TMEM265: variants seen among roughly 807,000 people sequenced by gnomAD.
TMEM265 encodes transmembrane protein 265.
Under a neutral mutation model 9.5 loss-of-function variants are expected in TMEM265, and 8 were observed. The ratio of observed to expected loss-of-function variants is 0.84; its 90% CI spans 0.49 to 1.52. The LOEUF (loss-of-function observed/expected upper bound fraction) is 1.52, where lower values mean the gene tolerates loss of function less well. Among genes scored for constraint, TMEM265 ranks in the 40% most tolerant of loss-of-function variants. The probability of loss-of-function intolerance (pLI) is 0.00; values close to 1 mark genes in which losing one functional copy is unlikely to be tolerated. For missense variants in TMEM265, 152 were observed against 146.2 expected (o/e 1.04, Z -0.21); for synonymous variants, 53 against 56.9 (o/e 0.93, Z 0.31).
rs11300181 is a variant in TMEM265, at chr16:30,742,924, CAA to C, written c.166-844_166-843del. On this transcript the variant is annotated intron_variant, in intron 2 of 2. Coordinates refer to ENST00000615541, the MANE Select transcript of TMEM265 (RefSeq NM_001256829.2). ...CTGGTGACAAAGCAAGACTCTGTCT[CAA>C]AAAAAAAAAAAAACAAAAAAAAACA... Among the ~76,000 whole-genome samples the C allele has an allele frequency of 2.5e-3, 282 of 114,690 alleles. 3 individuals carry two copies. The East Asian group carries it at 0.047, about 19-fold the overall frequency. 75.2% of individuals were successfully genotyped at this position (114,690 alleles called of 152,430 possible).
Position 30,743,827 on chromosome 16 carries a change from TG to T in TMEM265, c.217del (p.Ala73ProfsTer58), listed in dbSNP as rs756230662. ...AGGCCGGTCCGAGGAGGCAGTGCGC[TG>T]GGGGGCCCGGGCCCGGAAACTCATC... ...KAGRSEEAVR[W>X]GARARKLILA... On this transcript the variant is annotated frameshift_variant, in exon 3 of 3. Transcript: ENST00000615541. LOFTEE classifies it high-confidence loss of function. 1.6e-5 allele frequency: 24 copies of T among 1,533,586 alleles called. No homozygotes were observed. Among genetic ancestry groups the T allele is most frequent in the South Asian group, 2.4e-5 (2 of 83,958 alleles). The allele number at this position is 1,533,586 out of a possible 1,614,324, so 95.0% of individuals were successfully genotyped here.
At chr16:30,741,976 C>G in intron 2 of TMEM265, 68 bp downstream of exon 2, 1 of 1,436,188 alleles carries the variant, frequency 7.0e-7, no homozygotes, top group Non-Finnish European at 9.3e-7. Context: ...TCTGATCTAT[C>G]TACATTGACC....
At chr16:30,741,670 G>A in intron 1 of TMEM265, 71 bp from the exon 2 acceptor site, 1 of 1,438,956 alleles carries the variant, frequency 6.9e-7, no homozygotes, top group Non-Finnish European at 9.2e-7. Flanking sequence ...CTCTGAGAGG[G>A]GTGGAGTCTG....
intron 2 of TMEM265, among the ~76,000 whole-genome samples, chr16:30,743,387 GA>G (rs377025787): frequency 2.7e-5 from 4 of 147,076 alleles, no homozygotes; most frequent in South Asian, 2.2e-4. Flanking sequence ...CTCAAAAAAA[GA>G]AAAAAAAAAG....
rs1435273449 is a variant in TMEM265, at chr16:30,744,160, C to T, written c.*217C>T. On this transcript the variant is annotated 3_prime_UTR_variant, in exon 3 of 3. Transcript: ENST00000615541. ...CAGCCTGCTCTGTTCTTTCAGGGCC[C>T]CCCACCCCCATCTCCCCTACCCTAG... is the stretch of plus-strand genomic sequence containing the variant. 3 of 490,944 alleles carry T rather than the reference C, an allele frequency of 6.1e-6. No homozygotes were observed. Among genetic ancestry groups the T allele is most frequent in the Admixed American group, 3.7e-5 (1 of 26,758 alleles). 30.4% of individuals were successfully genotyped at this position (490,944 alleles called of 1,614,324 possible).
At chr16:30,743,752 G>A in intron 2 of TMEM265, 30 bp from the exon 3 acceptor site, 1 of 1,499,150 alleles carries the variant, frequency 6.7e-7, no homozygotes, top group South Asian at 1.3e-5. Flanking sequence ...GAAGCAGGGG[G>A]AGAACCTAAC....
chr16:30,742,940 CA>C (rs79292764), intron 2 of TMEM265, among the ~76,000 whole-genome samples: 1,980 of 124,236 alleles, frequency 0.016, 52 homozygotes, highest in African/African-American at 0.054. Context: ...AAAAAAAAAA[CA>C]AAAAAAAACA....
chr16:30,744,258 T>A lies in TMEM265; in HGVS notation c.*315T>A. 1 of 237,846 alleles carries A rather than the reference T, an allele frequency of 4.2e-6. No homozygotes were observed. The highest frequency in any genetic ancestry group is 8.0e-6 in the Non-Finnish European group (1 of 124,716). The allele number at this position is 237,846 out of a possible 1,614,324, so 14.7% of individuals were successfully genotyped here. ...GGTTTTATTAGAATTCATTTTGTAA[T>A]AAAAGCCTTTTTTAGTGGTGAAATA... On this transcript the variant is annotated 3_prime_UTR_variant, in exon 3 of 3. Transcript: ENST00000615541.
Position 30,743,973 on chromosome 16 carries a change from G to A in TMEM265, c.*30G>A, listed in dbSNP as rs1343726008. ...GGATGGCCTCTGCTGAGAGCCAGCC[G>A]AGACCTCCTGGATCCTGCAATGCGG... is the stretch of plus-strand genomic sequence containing the variant. On this transcript the variant is annotated 3_prime_UTR_variant, in exon 3 of 3. Transcript: ENST00000615541. 67 of 1,525,400 alleles carry A rather than the reference G, an allele frequency of 4.4e-5. No individual in the cohort carries two copies. The highest frequency in any genetic ancestry group is 5.0e-5 in the Non-Finnish European group (57 of 1,141,614). 94.5% of individuals were successfully genotyped at this position (1,525,400 alleles called of 1,614,324 possible). A position where few individuals can be genotyped will look rare whatever the true frequency, so the allele number is the denominator to read the frequency against.
chr16:30,742,020 G>C (rs1596672695), intron 2 of TMEM265, 112 bp downstream of exon 2: 1 of 1,147,072 alleles, frequency 8.7e-7, no homozygotes, highest in East Asian at 2.6e-5. Context: ...TCTGGGCCTA[G>C]TGCCAGAAAT....
intron 2 of TMEM265, among the ~76,000 whole-genome samples, chr16:30,742,934 A>C (rs984401054): frequency 2.0e-5 from 3 of 148,006 alleles, no homozygotes; most frequent in Admixed American, 1.3e-4. Flanking sequence ...CAAAAAAAAA[A>C]AAAAACAAAA....
In TMEM265 at chr16:30,741,871, C is replaced by T. The variant is rs1225077484; in HGVS notation, c.128C>T (p.Ser43Phe). Reference sequence around the variant, plus strand: ...GCTACTAGCATTATCTGTGGCTGCTCTTGCCTGGGAGTCATGGCTCTGGTG... The same window carrying T: ...GCTACTAGCATTATCTGTGGCTGCTTTTGCCTGGGAGTCATGGCTCTGGTG... The part of the protein sequence containing the change: ...LAATSIICGC[S>F]CLGVMALVFA... Residue 43 changes from serine to phenylalanine, a missense_variant, in exon 2 of 3, where the codon TCT becomes TTT. Physicochemically the swap from Ser to Phe is radical, Grantham distance 155. Coordinates refer to ENST00000615541, the MANE Select transcript of TMEM265 (RefSeq NM_001256829.2). 5 of 1,533,924 alleles carry T rather than the reference C, an allele frequency of 3.3e-6. No homozygotes were observed. The highest frequency in any genetic ancestry group is 3.5e-6 in the Non-Finnish European group (4 of 1,146,722).
At chr16:30,741,395 A>G (rs1225771861) in intron 1 of TMEM265, 2 of 197,714 alleles carry the variant, frequency 1.0e-5, no homozygotes, top group Non-Finnish European at 2.1e-5. Context: ...AGATTAAAAT[A>G]ACAGATTCAT....
chr16:30,743,870 T>C lies in TMEM265; in HGVS notation c.254T>C (p.Val85Ala). 6.5e-7 allele frequency: 1 copy of C among 1,533,958 alleles called. No homozygotes were observed. The highest frequency in any genetic ancestry group is 8.7e-7 in the Non-Finnish European group (1 of 1,146,712). Residue 85 changes from valine (V) to alanine (A), a missense_variant, in exon 3 of 3, where the codon GTC becomes GCC. Val to Ala is a moderately conservative substitution (Grantham distance 64). Transcript: ENST00000615541. ...ARKLILASFA[V>A]WLAVLILGPL... ...AAACTCATCCTGGCCAGCTTTGCTG[T>C]CTGGCTTGCTGTCCTCATTCTGGGT...
Position 30,741,724 on chromosome 16 carries a change from T to A in TMEM265, c.-3-17T>A. Reference sequence around the variant, plus strand: ...CTCTGTTGTTGGGCTCACAAGTACCTTGACTATCGCCCACAGGTGATGGAG... The same window carrying A: ...CTCTGTTGTTGGGCTCACAAGTACCATGACTATCGCCCACAGGTGATGGAG... On this transcript the variant is annotated splice_polypyrimidine_tract_variant and intron_variant, in intron 1 of 2. Coordinates refer to ENST00000615541, the MANE Select transcript of TMEM265 (RefSeq NM_001256829.2). 6.5e-7 allele frequency: 1 copy of A among 1,529,902 alleles called. No individual in the cohort carries two copies. The highest frequency in any genetic ancestry group is 8.7e-7 in the Non-Finnish European group (1 of 1,143,570). 94.8% of individuals were successfully genotyped at this position (1,529,902 alleles called of 1,614,324 possible).
At chr16:30,742,345 A>G (rs1391384789) in intron 2 of TMEM265, among the ~76,000 whole-genome samples, 1 of 152,170 alleles carries the variant, frequency 6.6e-6, no homozygotes, top group East Asian at 1.9e-4. Flanking sequence ...AGTGAGGAAT[A>G]GTGAGAGATG....
intron 2 of TMEM265, among the ~76,000 whole-genome samples, chr16:30,743,567 A>G (rs1268152838): frequency 6.6e-6 from 1 of 152,220 alleles, no homozygotes; most frequent in Non-Finnish European, 1.5e-5. Context: ...CCCATAGGCG[A>G]TCTTGTGAGC....
intron 2 of TMEM265, among the ~76,000 whole-genome samples, chr16:30,743,465 T>C (rs964785967): frequency 3.9e-5 from 6 of 152,224 alleles, no homozygotes; most frequent in African/African-American, 1.4e-4. Flanking sequence ...GAAGTTACTC[T>C]AGCCTCACTG....
chr16:30,741,776 G>C lies in TMEM265; in HGVS notation c.33G>C (p.Leu11Phe). 4 of 1,533,902 alleles carry C rather than the reference G, an allele frequency of 2.6e-6. No homozygotes were observed. Among genetic ancestry groups the C allele is most frequent in the Non-Finnish European group, 3.5e-6 (4 of 1,146,714 alleles). ...ACGAGGAGAAGGCAGTGGAGATCTT[G>C]GGCAACACGGAAGCTGCTCATCCTC... MEDEEKAVEI[L>F]GNTEAAHPPS... The change falls in exon 2 of 3, where the codon TTG (leucine) becomes TTC (phenylalanine). Residue 11 changes from leucine (L) to phenylalanine (F), a missense_variant. Physicochemically the swap from Leu to Phe is conservative, Grantham distance 22 (BLOSUM62 0). Coordinates refer to ENST00000615541, the MANE Select transcript of TMEM265 (RefSeq NM_001256829.2).
Sources: gnomAD v4.1 joint callset for allele counts (sites outside exome capture counted in the v4.1 genomes callset) on GRCh38, gnomAD v4.1.1 for gene constraint, MANE v1.5 for transcripts, NCBI Gene and HGNC (gene_info 2026-07-23, HGNC 2026-07-21) for gene names.